The following ADGRV1 variants were observed in gnomAD, a reference collection of about 807,000 sequenced individuals.
ADGRV1 encodes adhesion G protein-coupled receptor V1, also known as G-protein coupled receptor 98.
Under a neutral mutation model 596.2 loss-of-function variants are expected in ADGRV1, and 359 were observed. That is an observed-to-expected ratio of 0.60 (90% CI 0.55 to 0.66). The LOEUF is 0.66. Ranked by LOEUF, ADGRV1 falls within the 30% of genes least tolerant of loss-of-function variation. ADGRV1 has a pLI of 0.00. For synonymous variants in ADGRV1, 2,681 were observed against 2,679.2 expected (o/e 1.00, Z -0.02); for missense variants, 7,274 against 7,575.6 (o/e 0.96, Z 1.48).
chr5:90,782,741 A>G (rs1314224137), intron 65 of ADGRV1, among the ~76,000 whole-genome samples: 1 of 152,122 alleles, frequency 6.6e-6, no homozygotes, highest in Non-Finnish European at 1.5e-5. Context: ...TTTCAATTGA[A>G]TGTGTGGAAG....
intron 66 of ADGRV1, 67 bp from the exon 67 acceptor site, chr5:90,783,771 G>A (rs1759116672): frequency 9.8e-6 from 12 of 1,224,174 alleles, no homozygotes; most frequent in South Asian, 1.4e-5. Flanking sequence ...AAAATGACTG[G>A]TTATTGGGAT....
At chr5:90,816,046 T>C (rs1307206044) in intron 75 of ADGRV1, among the ~76,000 whole-genome samples, 1 of 152,230 alleles carries the variant, frequency 6.6e-6, no homozygotes, top group Non-Finnish European at 1.5e-5. Flanking sequence ...TGATGAAAAC[T>C]TGGAGTACCA....
intron 9 of ADGRV1, chr5:90,629,861 C>T (rs1026086521): frequency 4.4e-5 from 8 of 182,848 alleles, no homozygotes; most frequent in Admixed American, 1.2e-4. Context: ...CAGGGGAGGG[C>T]GAGAGAAAGA....
intron 76 of ADGRV1, chr5:90,825,997 G>A (rs189060245): frequency 6.6e-6 from 1 of 152,156 alleles, no homozygotes; most frequent in African/African-American, 2.4e-5. Context: ...AAAAGGCAAG[G>A]AACAAGCAAG....
chr5:90,628,981 C>A, intron 8 of ADGRV1, 149 bp downstream of exon 8: 2 of 749,298 alleles, frequency 2.7e-6, no homozygotes, highest in Non-Finnish European at 4.1e-6. Context: ...ACTCAGTATT[C>A]CTTCTGAAAA....
At chr5:91,050,676 T>C (rs1158822521) in intron 85 of ADGRV1, among the ~76,000 whole-genome samples, 2 of 151,904 alleles carry the variant, frequency 1.3e-5, no homozygotes, top group Non-Finnish European at 2.9e-5. Flanking sequence ...CTTGGCAACA[T>C]AGAGAGACCC....
chr5:90,650,473 G>A (rs1159820946), intron 17 of ADGRV1, among the ~76,000 whole-genome samples: 3 of 152,150 alleles, frequency 2.0e-5, no homozygotes, highest in African/African-American at 7.2e-5. Context: ...ATTATCAAGT[G>A]AAGTTGAGTA....
chr5:91,108,397 C>T (rs1249518509), intron 87 of ADGRV1, among the ~76,000 whole-genome samples: 1 of 152,142 alleles, frequency 6.6e-6, no homozygotes, highest in Non-Finnish European at 1.5e-5. Flanking sequence ...TTGCTTACTA[C>T]ATTTTGCTCA....
At chr5:90,593,776 T>C (rs1185565450) in intron 1 of ADGRV1, among the ~76,000 whole-genome samples, 3 of 152,128 alleles carry the variant, frequency 2.0e-5, no homozygotes, top group Non-Finnish European at 2.9e-5. Context: ...AAAAATCTTT[T>C]ATCATTAACT....
At chr5:90,855,592 T>A (rs1766947887) in intron 81 of ADGRV1, 149 bp from the exon 82 acceptor site, 1 of 577,776 alleles carries the variant, frequency 1.7e-6, no homozygotes, top group East Asian at 2.8e-5. Context: ...GACAAGATGT[T>A]CCCTTCACTG....
chr5:91,038,290 T>A (rs1219746848), intron 85 of ADGRV1, among the ~76,000 whole-genome samples: 5 of 152,184 alleles, frequency 3.3e-5, no homozygotes, highest in Non-Finnish European at 5.9e-5. Flanking sequence ...TGGACTTGAT[T>A]CTGATGGCAA....
intron 78 of ADGRV1, among the ~76,000 whole-genome samples, chr5:90,844,804 T>C (rs1765724662): frequency 6.6e-6 from 1 of 152,180 alleles, no homozygotes; most frequent in East Asian, 1.9e-4. Flanking sequence ...TCCTGACAAC[T>C]TCTTAAGTTT....
At chr5:90,691,122 T>C in intron 31 of ADGRV1, 81 bp downstream of exon 31, 1 of 1,525,760 alleles carries the variant, frequency 6.6e-7, no homozygotes, top group Non-Finnish European at 9.1e-7. Flanking sequence ...CATTGTAACA[T>C]TTTGGAGAGG....
chr5:90,771,749 G>A (rs914411866), intron 59 of ADGRV1, among the ~76,000 whole-genome samples: 1 of 152,126 alleles, frequency 6.6e-6, no homozygotes, highest in Non-Finnish European at 1.5e-5. Context: ...CTATTCAGCA[G>A]AATAGAAATA....
chr5:90,739,134 G>C (rs368826557), intron 50 of ADGRV1, among the ~76,000 whole-genome samples: 1 of 151,254 alleles, frequency 6.6e-6, no homozygotes, highest in African/African-American at 2.4e-5. Flanking sequence ...TATTTCTAGC[G>C]TTTCTGTTTG....
rs1206327695 is a variant in ADGRV1, at chr5:91,114,743, T to C, written c.18432+12403T>C. 3.3e-5 allele frequency among the ~76,000 whole-genome samples: 5 copies of C among 152,296 alleles called. No individual in the cohort carries two copies. The South Asian group carries it at 6.2e-4, about 19-fold the overall frequency. On this transcript the variant is annotated intron_variant, in intron 87 of 89. Coordinates refer to ENST00000405460, the MANE Select transcript of ADGRV1 (RefSeq NM_032119.4). ...TTTTCATTCCCCAATACTATGAGAC[T>C]CTTGAATTCATTACTGAGCTTCTTA...
intron 86 of ADGRV1, among the ~76,000 whole-genome samples, chr5:91,079,212 A>C (rs556304702): frequency 6.6e-6 from 1 of 152,344 alleles, no homozygotes; most frequent in African/African-American, 2.4e-5. Context: ...CATTTTAAAA[A>C]AACAATGCCT....
rs1440665994 is a variant in ADGRV1, at chr5:90,783,985, T to G, written c.13581T>G (p.Ile4527Met). 6.2e-7 allele frequency: 1 copy of G among 1,612,868 alleles called. No individual in the cohort carries two copies. The highest frequency in any genetic ancestry group is 8.5e-7 in the Non-Finnish European group (1 of 1,179,426). ...IRFLNQSKIS[I>M]ANPNSTMILS... ...TTCTCAATCAAAGCAAAATTTCTAT[T>G]GCTAATCCCAATTCCACAATGATTT... Residue 4527 changes from isoleucine to methionine, a missense_variant, in exon 67 of 90, where the codon ATT becomes ATG. Ile to Met is a conservative substitution (Grantham distance 10). Coordinates refer to ENST00000405460, the MANE Select transcript of ADGRV1 (RefSeq NM_032119.4).
In ADGRV1 at chr5:90,960,416, T is replaced by C. The variant is rs144537655; in HGVS notation, c.17857-4999T>C. ...CTCGATAGAATTCCGTACAGGATGC[T>C]TGCCGTGTTCTCTTTTTTACAAAAA... On this transcript the variant is annotated intron_variant, in intron 83 of 89. Transcript: ENST00000405460. Among the ~76,000 whole-genome samples the C allele has an allele frequency of 7.5e-4, 115 of 152,332 alleles. 1 individual carries two copies. The highest frequency in any genetic ancestry group is 6.5e-3 in the Admixed American group (100 of 15,302).
Sources: allele counts gnomAD v4.1 joint callset (sites outside exome capture counted in the v4.1 genomes callset), GRCh38; gene constraint gnomAD v4.1.1; transcripts MANE v1.5; gene names NCBI Gene and HGNC (gene_info 2026-07-23, HGNC 2026-07-21).